Variants in PEAK1 observed in about 807,000 individuals in gnomAD.
PEAK1 encodes the protein inactive tyrosine-protein kinase PEAK1.
PEAK1 carries 54 observed loss-of-function variants against 124.7 expected under a neutral mutation model. The ratio of observed to expected loss-of-function variants is 0.43; its 90% CI spans 0.35 to 0.54. The LOEUF (loss-of-function observed/expected upper bound fraction) is 0.54, where lower values mean the gene tolerates loss of function less well. Among genes scored for constraint, PEAK1 ranks in the 20% least tolerant of loss-of-function variants. The pLI, the probability that PEAK1 is intolerant of heterozygous loss-of-function variation, is 0.01. For synonymous variants in PEAK1, 719 were observed against 760.0 expected, an observed-to-expected ratio of 0.95 and a Z score of 0.89; for missense variants, 2,046 against 2,134.5, an observed-to-expected ratio of 0.96 and a Z score of 0.82.
At chr15:77,409,086 C>A (rs899945054) in intron 1 of PEAK1, among the ~76,000 whole-genome samples, 1 of 151,950 alleles carries the variant, frequency 6.6e-6, no homozygotes, top group Non-Finnish European at 1.5e-5. Flanking sequence ...CAAACAAACA[C>A]AAAAATATTT....
rs2057300039 is a variant in PEAK1 at position 77,181,986 on chromosome 15, C to T, written c.-60G>A. The T allele has an allele frequency of 6.6e-7, 1 of 1,506,610 alleles. No individual in the cohort carries two copies. Among genetic ancestry groups the T allele is most frequent in the East Asian group, 2.3e-5 (1 of 43,902 alleles). 93.3% of individuals were successfully genotyped at this position (1,506,610 alleles called of 1,614,324 possible). The stretch of plus-strand genomic sequence containing the variant: ...TTTCAGTGCATGACAAAACTTTCAT[C>T]TGTTAGTTTTCACTTCCCCTATGTG... On this transcript the variant is annotated 5_prime_UTR_variant, in exon 7 of 10. Coordinates refer to ENST00000682557, the MANE Select transcript of PEAK1 (RefSeq NM_001385026.1).
At chr15:77,233,672 T>G (rs575904068) in intron 6 of PEAK1, among the ~76,000 whole-genome samples, 1 of 152,172 alleles carries the variant, frequency 6.6e-6, no homozygotes, top group Admixed American at 6.6e-5. Flanking sequence ...TCCAGTCCAT[T>G]TCTCTATTTT....
At chr15:77,297,302 T>C (rs1403624120) in intron 2 of PEAK1, among the ~76,000 whole-genome samples, 2 of 151,846 alleles carry the variant, frequency 1.3e-5, no homozygotes, top group Non-Finnish European at 2.9e-5. Flanking sequence ...AAGTAAAATA[T>C]TTGTATTTCA....
intron 6 of PEAK1, among the ~76,000 whole-genome samples, chr15:77,193,488 T>G (rs1309657168): frequency 2.0e-5 from 3 of 152,158 alleles, no homozygotes; most frequent in Non-Finnish European, 4.4e-5. Context: ...TTAATTTGAG[T>G]GGAGATACGT....
exon 7 of PEAK1, chr15:77,102,449 T>C (rs911917572): frequency 6.6e-6 from 1 of 152,246 alleles, no homozygotes; most frequent in African/African-American, 2.4e-5. Flanking sequence ...CACCGTCTCT[T>C]AGCTTACAAA....
At chr15:77,154,004 C>T (rs2054894968) in intron 8 of PEAK1, among the ~76,000 whole-genome samples, 1 of 152,138 alleles carries the variant, frequency 6.6e-6, no homozygotes, top group African/African-American at 2.4e-5. Flanking sequence ...ATTAGGTCCA[C>T]TTGGTGCAGA....
At position 77,133,073 on chromosome 15, in the gene PEAK1, C is replaced by T; in HGVS notation, c.4009G>A (p.Glu1337Lys). 6.2e-7 allele frequency: 1 copy of T among 1,614,178 alleles called. No homozygotes were observed. The highest frequency in any genetic ancestry group is 1.1e-5 in the South Asian group (1 of 91,078). The change falls in exon 9 of 10, where the codon GAG becomes AAG. Residue 1337 changes from glutamate to lysine, a missense_variant. Physicochemically the swap from Glu to Lys is moderately conservative, Grantham distance 56. Coordinates refer to ENST00000682557, the MANE Select transcript of PEAK1 (RefSeq NM_001385026.1). The surrounding 1 kb of genome is among the most constrained non-coding windows in gnomAD (Gnocchi z 4.2). ...FRLTSDKPCCEAGDAVYYTAS... is the reference protein window; with the variant it reads ...FRLTSDKPCCKAGDAVYYTAS... ...GTATAGTAAACCGCATCACCTGCCT[C>T]ACAACATGGTTTGTCACTGGTTAGC... is the stretch of plus-strand genomic sequence containing the variant.
At chr15:77,349,623 T>C in intron 2 of PEAK1, 1 of 984,996 alleles carries the variant, frequency 1.0e-6, no homozygotes, top group Non-Finnish European at 1.2e-6. Flanking sequence ...TCCATGTTTC[T>C]ATCATTAATG....
chr15:77,106,338 T>C (rs555857094), downstream of PEAK1: 3 of 147,914 alleles, frequency 2.0e-5, no homozygotes, highest in South Asian at 6.3e-4. Flanking sequence ...TAAGTGTGCA[T>C]TCATCTAAAG....
At chr15:77,293,793 TAG>T (rs1162308911) in intron 2 of PEAK1, among the ~76,000 whole-genome samples, 1 of 152,190 alleles carries the variant, frequency 6.6e-6, no homozygotes, top group Non-Finnish European at 1.5e-5. Flanking sequence ...GTAAAAAATA[TAG>T]AGACAGAAAA....
At chr15:77,321,025 T>C (rs2065177560) in intron 2 of PEAK1, among the ~76,000 whole-genome samples, 3 of 152,232 alleles carry the variant, frequency 2.0e-5, no homozygotes, top group South Asian at 2.1e-4. Flanking sequence ...CTCCATGGTG[T>C]ATATGTGCCA....
At chr15:77,307,798 T>C (rs910978826) in intron 2 of PEAK1, among the ~76,000 whole-genome samples, 1 of 152,052 alleles carries the variant, frequency 6.6e-6, no homozygotes, top group African/African-American at 2.4e-5. Context: ...GTCCAAGTAC[T>C]GGAAAAGAGA....
intron 9 of PEAK1, among the ~76,000 whole-genome samples, chr15:77,123,997 A>G (rs2052153410): frequency 6.6e-6 from 1 of 152,242 alleles, no homozygotes; most frequent in Non-Finnish European, 1.5e-5. Flanking sequence ...ATTTATTTAA[A>G]AAGTAGGCTG....
intron 2 of PEAK1, among the ~76,000 whole-genome samples, chr15:77,339,640 C>T (rs1012540494): frequency 6.6e-6 from 1 of 151,928 alleles, no homozygotes; most frequent in African/African-American, 2.4e-5. Context: ...AAGCACTATC[C>T]AAGAAAAACA....
At chr15:77,127,679 T>G (rs754429438) in intron 9 of PEAK1, among the ~76,000 whole-genome samples, 2 of 152,164 alleles carry the variant, frequency 1.3e-5, no homozygotes, top group Non-Finnish European at 2.9e-5. Context: ...TCCTCCTGAC[T>G]GCTTATAATA....
intron 1 of PEAK1, among the ~76,000 whole-genome samples, chr15:77,395,535 A>G (rs2070808502): frequency 6.6e-6 from 1 of 152,158 alleles, no homozygotes; most frequent in South Asian, 2.1e-4. Flanking sequence ...GGTCAAGGAT[A>G]AAAAAAGGAT....
intron 6 of PEAK1, among the ~76,000 whole-genome samples, chr15:77,196,637 T>C (rs764534214): frequency 2.0e-5 from 3 of 152,136 alleles, no homozygotes; most frequent in Non-Finnish European, 2.9e-5. Flanking sequence ...TTAACTGGTA[T>C]ACAGCAAGCA....
intron 6 of PEAK1, among the ~76,000 whole-genome samples, chr15:77,251,893 G>A (rs1175909366): frequency 1.3e-5 from 2 of 152,158 alleles, no homozygotes; most frequent in Non-Finnish European, 2.9e-5. Flanking sequence ...AAATATGACT[G>A]CAAAACTGTC....
intron 6 of PEAK1, among the ~76,000 whole-genome samples, chr15:77,251,717 A>AG (rs1050505688): frequency 2.0e-5 from 3 of 152,168 alleles, no homozygotes; most frequent in African/African-American, 7.2e-5. Flanking sequence ...TGGGGATGTC[A>AG]GGGGGGACAG....
Sources: gnomAD v4.1 joint callset for allele counts (sites outside exome capture counted in the v4.1 genomes callset) on GRCh38, gnomAD v4.1.1 for gene constraint, Gnocchi (gnomAD v3.1) non-coding constraint, MANE v1.5 for transcripts, NCBI Gene and HGNC (gene_info 2026-07-23, HGNC 2026-07-21) for gene names.